The following PXDNL variants were observed in gnomAD, a reference collection of about 807,000 sequenced individuals.
PXDNL encodes the protein probable oxidoreductase PXDNL.
Under a neutral mutation model 150.8 loss-of-function variants are expected in PXDNL, and 145 were observed. That is an observed-to-expected ratio of 0.96 (90% CI 0.84 to 1.10). PXDNL has a LOEUF of 1.10. PXDNL is among the 50% of genes least tolerant of loss of function. The probability of loss-of-function intolerance (pLI) is 0.00; values close to 1 mark genes in which losing one functional copy is unlikely to be tolerated. For synonymous variants in PXDNL, 757 were observed against 725.7 expected, an observed-to-expected ratio of 1.04 and a Z score of -0.69; for missense variants, 2,087 against 1,873.9, an observed-to-expected ratio of 1.11 and a Z score of -2.10.
In PXDNL at chr8:51,614,652, A is replaced by G. The variant is rs184107275; in HGVS notation, c.237-21954T>C. The stretch of plus-strand genomic sequence containing the variant: ...CCCTGTATTATAGAGATCAACTTAT[A>G]AATTCACTCAGATGATTTTTAAAAT... On this transcript the variant is annotated intron_variant, in intron 2 of 22. Transcript: ENST00000356297. Among the ~76,000 whole-genome samples, 4 of 152,328 alleles carry G rather than the reference A, an allele frequency of 2.6e-5. No individual in the cohort carries two copies. The East Asian group carries it at 7.7e-4, about 29-fold the overall frequency.
intron 9 of PXDNL, among the ~76,000 whole-genome samples, chr8:51,456,143 C>T (rs1167476755): frequency 1.3e-5 from 2 of 152,106 alleles, no homozygotes; most frequent in African/African-American, 4.8e-5. Flanking sequence ...TGAACTGCCA[C>T]CAGAGACATT....
intron 4 of PXDNL, among the ~76,000 whole-genome samples, chr8:51,522,406 C>T (rs1252128771): frequency 6.6e-6 from 1 of 152,176 alleles, no homozygotes; most frequent in Admixed American, 6.5e-5. Context: ...GCCCCACAGG[C>T]AGACTGGCAC....
At chr8:51,369,589 G>C (rs1483724286) in intron 19 of PXDNL, among the ~76,000 whole-genome samples, 3 of 151,750 alleles carry the variant, frequency 2.0e-5, no homozygotes, top group Non-Finnish European at 2.9e-5. Context: ...AACTACATCA[G>C]GCATATTCAT....
At chr8:51,581,179 G>C (rs997795271) in intron 3 of PXDNL, among the ~76,000 whole-genome samples, 2 of 152,090 alleles carry the variant, frequency 1.3e-5, no homozygotes, top group African/African-American at 4.8e-5. Context: ...GTAACAGTAT[G>C]ACTGATTCCA....
chr8:51,425,648 C>T (rs1192634062), intron 13 of PXDNL, among the ~76,000 whole-genome samples: 3 of 151,900 alleles, frequency 2.0e-5, no homozygotes, highest in East Asian at 1.9e-4. Context: ...AGTGAAACCC[C>T]GTCTCTACTA....
At chr8:51,682,927 C>A (rs866198537) in intron 1 of PXDNL, among the ~76,000 whole-genome samples, 2 of 151,900 alleles carry the variant, frequency 1.3e-5, no homozygotes, top group Non-Finnish European at 2.9e-5. Flanking sequence ...TTCCCAGGTG[C>A]TGCCAATCCT....
chr8:51,684,802 C>G (rs1815837056), intron 1 of PXDNL, among the ~76,000 whole-genome samples: 1 of 152,102 alleles, frequency 6.6e-6, no homozygotes, highest in Non-Finnish European at 1.5e-5. Flanking sequence ...TGGGCAGTCA[C>G]GAAGAGCTAA....
In PXDNL at chr8:51,409,346, C is replaced by G; in HGVS notation, c.2278G>C (p.Gly760Arg). ...CCGAGCCCGCGGGGCGCGCGGATGCCGTCCCGGTAGGCTGGCTGCAGCAGG... is the reference window on the plus strand; with the variant it reads ...CCGAGCCCGCGGGGCGCGCGGATGCGGTCCCGGTAGGCTGGCTGCAGCAGG... ...ARLLQPAYRDGIRAPRGLGLP... is the reference protein window; with the variant it reads ...ARLLQPAYRDRIRAPRGLGLP... The change falls in exon 17 of 23, where the codon GGC becomes CGC. Residue 760 changes from glycine to arginine, a missense_variant. Physicochemically the swap from Gly to Arg is moderately radical, Grantham distance 125. Transcript: ENST00000356297. The G allele has an allele frequency of 3.3e-6, 5 of 1,510,896 alleles. No individual in the cohort carries two copies. Among genetic ancestry groups the G allele is most frequent in the Non-Finnish European group, 4.4e-6 (5 of 1,136,146 alleles). The allele number at this position is 1,510,896 out of a possible 1,614,324, so 93.6% of individuals were successfully genotyped here. A position where few individuals can be genotyped will look rare whatever the true frequency, so the allele number is the denominator to read the frequency against.
chr8:51,624,818 G>T (rs1237931930), intron 2 of PXDNL, among the ~76,000 whole-genome samples: 3 of 151,446 alleles, frequency 2.0e-5, no homozygotes, highest in Non-Finnish European at 4.4e-5. Context: ...TATCAAACAT[G>T]AATCTGCAAT....
chr8:51,537,229 C>A (rs1015395022), intron 4 of PXDNL, among the ~76,000 whole-genome samples: 1 of 152,140 alleles, frequency 6.6e-6, no homozygotes, highest in African/African-American at 2.4e-5. Context: ...TCTGATTCAC[C>A]GTGAATGTGG....
At chr8:51,672,200 C>T (rs1183061061) in intron 1 of PXDNL, among the ~76,000 whole-genome samples, 2 of 152,126 alleles carry the variant, frequency 1.3e-5, no homozygotes, top group Non-Finnish European at 2.9e-5. Flanking sequence ...AGGCTGGTCT[C>T]GAACTCCTGA....
chr8:51,622,320 G>A (rs1180246322), intron 2 of PXDNL, among the ~76,000 whole-genome samples: 1 of 152,152 alleles, frequency 6.6e-6, no homozygotes, highest in Non-Finnish European at 1.5e-5. Context: ...TCCATGATGA[G>A]AGTTGAAGCT....
chr8:51,470,088 C>G (rs556855821), intron 8 of PXDNL, among the ~76,000 whole-genome samples: 1 of 152,098 alleles, frequency 6.6e-6, no homozygotes, highest in East Asian at 1.9e-4. Flanking sequence ...TAACCTTGAA[C>G]ACACCATTTT....
At chr8:51,466,830 C>G (rs1173753787) in intron 8 of PXDNL, among the ~76,000 whole-genome samples, 1 of 152,142 alleles carries the variant, frequency 6.6e-6, no homozygotes, top group Non-Finnish European at 1.5e-5. Flanking sequence ...AAATGCAAAT[C>G]AAAACCACAG....
chr8:51,750,386 T>C (rs1054042169), intron 1 of PXDNL, among the ~76,000 whole-genome samples: 1 of 152,202 alleles, frequency 6.6e-6, no homozygotes, highest in African/African-American at 2.4e-5. Flanking sequence ...CGATACCTTC[T>C]GAAGGACCTG....
intron 1 of PXDNL, among the ~76,000 whole-genome samples, chr8:51,796,656 G>A (rs907776253): frequency 2.6e-5 from 4 of 152,006 alleles, no homozygotes; most frequent in Admixed American, 6.6e-5. Flanking sequence ...GACCAATAAC[G>A]AGTTCTGAAA....
chr8:51,708,681 C>A (rs1004978398), intron 1 of PXDNL, among the ~76,000 whole-genome samples: 1 of 151,956 alleles, frequency 6.6e-6, no homozygotes, highest in Admixed American at 6.6e-5. Flanking sequence ...AGAAGAGAAC[C>A]GAATCTATGG....
intron 17 of PXDNL, among the ~76,000 whole-genome samples, chr8:51,393,513 C>T (rs985140942): frequency 6.6e-6 from 1 of 152,246 alleles, no homozygotes; most frequent in South Asian, 2.1e-4. Context: ...TCCTTCTATG[C>T]TAAAGCTGAA....
At chr8:51,793,083 C>T (rs74618674) in intron 1 of PXDNL, among the ~76,000 whole-genome samples, 8,480 of 152,204 alleles carry the variant, frequency 0.056, 266 homozygotes, top group African/African-American at 0.086. Context: ...GGGTTCCCAC[C>T]GGCATCAGGT....
Sources: allele counts gnomAD v4.1 joint callset (sites outside exome capture counted in the v4.1 genomes callset), GRCh38; gene constraint gnomAD v4.1.1; transcripts MANE v1.5; gene names NCBI Gene and HGNC (gene_info 2026-07-23, HGNC 2026-07-21).